ZFPM2: variants seen among roughly 807,000 people sequenced by gnomAD.
The protein encoded by ZFPM2 is zinc finger protein, FOG family member 2, also known as zinc finger protein ZFPM2.
A neutral mutation model predicts 98.6 loss-of-function variants in ZFPM2; 20 were observed. The ratio of observed to expected loss-of-function variants is 0.20; its 90% CI spans 0.14 to 0.29. The LOEUF is 0.29. ZFPM2 is among the 10% of genes least tolerant of loss of function. The pLI is 1.00. For synonymous variants in ZFPM2, 518 were observed against 502.7 expected (o/e 1.03, Z -0.41); for missense variants, 1,310 against 1,388.6 (o/e 0.94, Z 0.90).
At chr8:105,573,833 G>A (rs951076075) in intron 4 of ZFPM2, among the ~76,000 whole-genome samples, 1 of 152,148 alleles carries the variant, frequency 6.6e-6, no homozygotes, top group Non-Finnish European at 1.5e-5. Flanking sequence ...CCGTGATGGG[G>A]TCAGAACAGC....
chr8:105,708,157 G>C (rs1261312730), intron 5 of ZFPM2, among the ~76,000 whole-genome samples: 1 of 152,060 alleles, frequency 6.6e-6, no homozygotes, highest in Admixed American at 6.6e-5. Context: ...AAATTGACTA[G>C]CTCTGGGATT....
intron 5 of ZFPM2, among the ~76,000 whole-genome samples, chr8:105,786,801 G>GT (rs1226125640): frequency 6.6e-6 from 1 of 152,176 alleles, no homozygotes; most frequent in Non-Finnish European, 1.5e-5. Context: ...CAGTGATAAA[G>GT]ATTATTTTTG....
chr8:105,515,911 CTTTTTTTTTTTTTT>C (rs34183654), intron 3 of ZFPM2, among the ~76,000 whole-genome samples: 6 of 89,278 alleles, frequency 6.7e-5, no homozygotes, highest in African/African-American at 2.8e-4. Flanking sequence ...AAAACAACTT[CTTTTTTTTTTTTTT>C]TTTTTTTTTG....
chr8:105,514,361 A>G (rs1214861972), intron 3 of ZFPM2, among the ~76,000 whole-genome samples: 7 of 148,378 alleles, frequency 4.7e-5, no homozygotes, highest in Non-Finnish European at 1.0e-4. Context: ...GATAGGCCTT[A>G]AAATACATCA....
intron 1 of ZFPM2, among the ~76,000 whole-genome samples, chr8:105,366,669 CT>C (rs1810518563): frequency 1.7e-5 from 2 of 115,000 alleles, no homozygotes; most frequent in Admixed American, 2.0e-4. Context: ...TCCCTCCCCC[CT>C]CCCCCCACCC....
chr8:105,400,825 A>G (rs962923075), intron 1 of ZFPM2, among the ~76,000 whole-genome samples: 10 of 152,160 alleles, frequency 6.6e-5, no homozygotes, highest in Non-Finnish European at 1.3e-4. Flanking sequence ...CTGTCTCTCA[A>G]TCTCATTAGC....
At chr8:105,733,731 T>G (rs1811999082) in intron 5 of ZFPM2, among the ~76,000 whole-genome samples, 1 of 151,884 alleles carries the variant, frequency 6.6e-6, no homozygotes, top group Non-Finnish European at 1.5e-5. Context: ...CTATTTACTT[T>G]AGAACAACTG....
chr8:105,726,268 A>AT (rs2131005483), intron 5 of ZFPM2, among the ~76,000 whole-genome samples: 1 of 151,748 alleles, frequency 6.6e-6, no homozygotes, highest in South Asian at 2.1e-4. Context: ...TGCTATTTTA[A>AT]TTTTTTACTG....
At chr8:105,764,310 ACACAC>A (rs2131078211) in intron 5 of ZFPM2, among the ~76,000 whole-genome samples, 1 of 151,414 alleles carries the variant, frequency 6.6e-6, no homozygotes, top group Admixed American at 6.6e-5. Context: ...ACACACACAC[ACACAC>A]ACACACACAC....
chr8:105,753,193 A>G (rs1411123258), intron 5 of ZFPM2, among the ~76,000 whole-genome samples: 1 of 152,170 alleles, frequency 6.6e-6, no homozygotes, highest in Non-Finnish European at 1.5e-5. Flanking sequence ...CTTTTTTGTT[A>G]CATAATGATA....
At chr8:105,791,217 G>C (rs1469093813) in intron 6 of ZFPM2, among the ~76,000 whole-genome samples, 2 of 151,936 alleles carry the variant, frequency 1.3e-5, no homozygotes, top group African/African-American at 4.8e-5. Flanking sequence ...GTATGATATT[G>C]GCTGTGGGTT....
chr8:105,394,087 G>T (rs921502567), intron 1 of ZFPM2, among the ~76,000 whole-genome samples: 1 of 151,886 alleles, frequency 6.6e-6, no homozygotes, highest in South Asian at 2.1e-4. Flanking sequence ...TAGAGTCGGG[G>T]TTTCACCGTG....
chr8:105,558,248 T>TA (rs1554617202), intron 3 of ZFPM2, among the ~76,000 whole-genome samples: 2 of 152,240 alleles, frequency 1.3e-5, no homozygotes, highest in Non-Finnish European at 2.9e-5. Flanking sequence ...ATATACATGC[T>TA]AATTATTTGC....
intron 3 of ZFPM2, among the ~76,000 whole-genome samples, chr8:105,506,336 G>C (rs1436366031): frequency 6.6e-6 from 1 of 152,106 alleles, no homozygotes; most frequent in Non-Finnish European, 1.5e-5. Context: ...CACATGCACA[G>C]AGTTTACTAT....
intron 1 of ZFPM2, among the ~76,000 whole-genome samples, chr8:105,328,433 T>G (rs1355172899): frequency 2.0e-5 from 3 of 151,826 alleles, no homozygotes; most frequent in South Asian, 2.1e-4. Flanking sequence ...ATTTTACTCT[T>G]CTTGCTTTTG....
chr8:105,370,282 A>C (rs1205256339), intron 1 of ZFPM2, among the ~76,000 whole-genome samples: 1 of 152,226 alleles, frequency 6.6e-6, no homozygotes, highest in Non-Finnish European at 1.5e-5. Flanking sequence ...GTACTCAATA[A>C]GTATTAGTTC....
chr8:105,378,027 A>G (rs1395320878), intron 1 of ZFPM2, among the ~76,000 whole-genome samples: 1 of 152,188 alleles, frequency 6.6e-6, no homozygotes, highest in Non-Finnish European at 1.5e-5. Context: ...TGTGAAAAGA[A>G]GAGGATTCAA....
intron 3 of ZFPM2, among the ~76,000 whole-genome samples, chr8:105,514,408 A>G (rs1475743417): frequency 6.6e-6 from 1 of 150,536 alleles, no homozygotes; most frequent in African/African-American, 2.5e-5. Context: ...GATAAATTAC[A>G]GTGTCTAATG....
intron 1 of ZFPM2, among the ~76,000 whole-genome samples, chr8:105,352,405 A>T (rs1167767125): frequency 6.6e-6 from 1 of 152,210 alleles, no homozygotes; most frequent in Non-Finnish European, 1.5e-5. Context: ...TTTTCTTAAC[A>T]TTCTTCAGTG....
Sources: allele counts gnomAD v4.1 joint callset (sites outside exome capture counted in the v4.1 genomes callset), GRCh38; gene constraint gnomAD v4.1.1; transcripts MANE v1.5; gene names NCBI Gene and HGNC (gene_info 2026-07-23, HGNC 2026-07-21).